The following TAF1 variants were observed in gnomAD, a reference collection of about 807,000 sequenced individuals.
TAF1 encodes the protein TATA-box binding protein associated factor 1.
A neutral mutation model predicts 138.5 loss-of-function variants in TAF1; 2 were observed. The observed-to-expected ratio is 0.01, with a 90% CI of 0.01 to 0.05. The LOEUF (loss-of-function observed/expected upper bound fraction) is 0.05, where lower values mean the gene tolerates loss of function less well. TAF1 is among the 10% of genes least tolerant of loss of function. The pLI is 1.00. For synonymous variants in TAF1, 437 were observed against 503.2 expected (o/e 0.87, Z 1.76); for missense variants, 709 against 1,478.0 (o/e 0.48, Z 8.53).
At chrX:71,394,344 G>A (rs1369060077) in intron 22 of TAF1, 99 bp downstream of exon 22, 1 of 960,294 alleles carries the variant, frequency 1.0e-6, no homozygotes, top group African/African-American at 2.0e-5. Flanking sequence ...GGAGGCAGAA[G>A]ATGTAAGGGA....
intron 33 of TAF1, 45 bp from the exon 34 acceptor site, chrX:71,454,696 T>G: frequency 9.0e-7 from 1 of 1,105,365 alleles, no homozygotes; most frequent in African/African-American, 1.8e-5. Context: ...GTATCCCCAG[T>G]ACTTAAAATA....
intron 28 of TAF1, among the ~76,000 whole-genome samples, chrX:71,420,884 GC>G (rs1395418913): frequency 8.9e-6 from 1 of 112,331 alleles, no homozygotes; most frequent in Non-Finnish European, 1.9e-5. Context: ...GCCCCCCGGG[GC>G]CCCCTCCCCG....
intron 13 of TAF1, among the ~76,000 whole-genome samples, chrX:71,501,020 G>A (rs904642679): frequency 8.7e-5 from 9 of 103,196 alleles, no homozygotes; most frequent in African/African-American, 3.3e-4. Context: ...CCGAGATCGA[G>A]CCATTGCACT....
chrX:71,497,997 C>T (rs758367540), intron 13 of TAF1, among the ~76,000 whole-genome samples: 54 of 111,554 alleles, frequency 4.8e-4, no homozygotes, highest in Non-Finnish European at 9.4e-4. Context: ...GCTGGGCCTT[C>T]GATTTAGAGA....
At chrX:71,426,826 C>G (rs2036616787) in intron 32 of TAF1, among the ~76,000 whole-genome samples, 1 of 111,303 alleles carries the variant, frequency 9.0e-6, no homozygotes, top group Non-Finnish European at 1.9e-5. Context: ...ATTTTGTGTG[C>G]TATACTTGAG....
chrX:71,514,480 A>C (rs746016139), intron 13 of TAF1, among the ~76,000 whole-genome samples: 1,097 of 108,321 alleles, frequency 0.01, 18 homozygotes, highest in African/African-American at 0.034. Flanking sequence ...AAAAAAAAAA[A>C]AAAACCCTCA....
chrX:71,392,834 T>A (rs369891112), intron 19 of TAF1, 41 bp from the exon 20 acceptor site: 1 of 1,206,004 alleles, frequency 8.3e-7, no homozygotes, highest in Admixed American at 2.2e-5. Context: ...TTAAAAGGAA[T>A]TCAGGTTTTT....
chrX:71,500,689 G>A (rs1019782154), intron 13 of TAF1, among the ~76,000 whole-genome samples: 8 of 110,601 alleles, frequency 7.2e-5, no homozygotes, highest in Admixed American at 1.9e-4. Flanking sequence ...GGACCTTACC[G>A]ACGCATTCTC....
At chrX:71,440,962 G>T (rs1029338124) in intron 32 of TAF1, among the ~76,000 whole-genome samples, 2 of 107,683 alleles carry the variant, frequency 1.9e-5, no homozygotes, top group Admixed American at 2.0e-4. Flanking sequence ...TCTTCTTCTT[G>T]TTATCTTTGC....
At chrX:71,399,738 AT>A (rs1266960976) in intron 24 of TAF1, among the ~76,000 whole-genome samples, 8 of 101,781 alleles carry the variant, frequency 7.9e-5, no homozygotes, top group East Asian at 6.2e-4. Flanking sequence ...TGCCCAGCTA[AT>A]TTTTTTTTTG....
intron 13 of TAF1, among the ~76,000 whole-genome samples, chrX:71,502,526 G>A (rs2039530312): frequency 8.9e-6 from 1 of 112,906 alleles, no homozygotes; most frequent in Admixed American, 9.4e-5. Context: ...GTATGATACT[G>A]CTAGTTGTAC....
At chrX:71,370,828 T>C (rs1041569851) in intron 3 of TAF1, among the ~76,000 whole-genome samples, 3 of 112,224 alleles carry the variant, frequency 2.7e-5, no homozygotes, top group Middle Eastern at 9.2e-3. Flanking sequence ...GTGTTGCATA[T>C]ACAAAAAGTA....
chrX:71,389,792 C>T, intron 18 of TAF1, 127 bp downstream of exon 18: 1 of 468,337 alleles, frequency 2.1e-6, no homozygotes, highest in South Asian at 5.3e-5. Context: ...GATGTTCTTG[C>T]TTTATTCATG....
At chrX:71,394,000 A>AT in intron 21 of TAF1, 67 bp from the exon 22 acceptor site, 1 of 1,077,623 alleles carries the variant, frequency 9.3e-7, no homozygotes, top group Non-Finnish European at 1.2e-6. Context: ...TGATTTCCCA[A>AT]TTTTTTACTT....
chrX:71,409,060 T>C (rs920681594), intron 28 of TAF1, among the ~76,000 whole-genome samples: 3 of 110,551 alleles, frequency 2.7e-5, no homozygotes, highest in Non-Finnish European at 5.7e-5. Context: ...GGATGGAACC[T>C]GTGTAGAGTA....
At chrX:71,502,524 C>T (rs944237291) in intron 13 of TAF1, among the ~76,000 whole-genome samples, 2 of 112,980 alleles carry the variant, frequency 1.8e-5, no homozygotes, top group Admixed American at 9.4e-5. Flanking sequence ...CAGTATGATA[C>T]TGCTAGTTGT....
chrX:71,501,501 C>T (rs2039506807), intron 13 of TAF1, among the ~76,000 whole-genome samples: 1 of 111,031 alleles, frequency 9.0e-6, no homozygotes, highest in African/African-American at 3.3e-5. Context: ...GCCTTAGGAC[C>T]CAGGAGGCAA....
chrX:71,433,660 T>C (rs942628221), intron 32 of TAF1, among the ~76,000 whole-genome samples: 2 of 111,626 alleles, frequency 1.8e-5, no homozygotes, highest in African/African-American at 6.5e-5. Context: ...TTAAATATTT[T>C]TTTACTCCTT....
At chrX:71,434,406 T>C (rs1189622402) in intron 32 of TAF1, among the ~76,000 whole-genome samples, 1 of 112,428 alleles carries the variant, frequency 8.9e-6, no homozygotes, top group African/African-American at 3.2e-5. Context: ...CTCTGCATAT[T>C]CAGATCCTTC....
Sources: gnomAD v4.1 joint callset for allele counts (sites outside exome capture counted in the v4.1 genomes callset) on GRCh38, gnomAD v4.1.1 for gene constraint, MANE v1.5 for transcripts, NCBI Gene and HGNC (gene_info 2026-07-23, HGNC 2026-07-21) for gene names.